The following ADAMTS14 variants were observed in gnomAD, a reference collection of about 807,000 sequenced individuals.
ADAMTS14 encodes ADAM metallopeptidase with thrombospondin type 1 motif 14, also known as A disintegrin and metalloproteinase with thrombospondin motifs 14.
A neutral mutation model predicts 128.6 loss-of-function variants in ADAMTS14; 100 were observed. That is an observed-to-expected ratio of 0.78 (90% CI 0.66 to 0.92). ADAMTS14 has a LOEUF of 0.92. Ranked by LOEUF, ADAMTS14 falls within the 40% of genes least tolerant of loss-of-function variation. The pLI, the probability that ADAMTS14 is intolerant of heterozygous loss-of-function variation, is 0.00. For synonymous variants in ADAMTS14, 665 were observed against 653.8 expected, an observed-to-expected ratio of 1.02 and a Z score of -0.26; for missense variants, 1,562 against 1,658.6, an observed-to-expected ratio of 0.94 and a Z score of 1.01.
intron 2 of ADAMTS14, among the ~76,000 whole-genome samples, chr10:70,695,949 G>A (rs755697917): frequency 2.6e-5 from 4 of 152,252 alleles, no homozygotes; most frequent in Non-Finnish European, 4.4e-5. Context: ...TGTGGTCACA[G>A]GTAAGCAGTT....
At chr10:70,731,551 G>A (rs1022314867) in intron 6 of ADAMTS14, among the ~76,000 whole-genome samples, 2 of 152,108 alleles carry the variant, frequency 1.3e-5, no homozygotes, top group African/African-American at 4.8e-5. Context: ...GCTGGTGCCG[G>A]CCCCCCTGCA....
chr10:70,744,312 A>T, intron 14 of ADAMTS14, 123 bp downstream of exon 14: 1 of 1,302,226 alleles, frequency 7.7e-7, no homozygotes, highest in Non-Finnish European at 9.9e-7. Flanking sequence ...CCTGGGGCCC[A>T]TCTCCAGGCC....
At chr10:70,760,266 GGC>G in intron 21 of ADAMTS14, 92 bp from the exon 22 acceptor site, 1 of 1,470,118 alleles carries the variant, frequency 6.8e-7, no homozygotes, top group Non-Finnish European at 9.0e-7. Flanking sequence ...AGGGGTGGAG[GGC>G]GGGCAGTCAG....
Position 70,743,667 on chromosome 10 carries a change from C to T in ADAMTS14, c.2044C>T (p.Arg682Cys), listed in dbSNP as rs368309869. Residue 682 changes from arginine (R) to cysteine (C), a missense_variant, in exon 13 of 22, where the codon CGT becomes TGT. Coordinates refer to ENST00000373207, the MANE Select transcript of ADAMTS14 (RefSeq NM_080722.4). Reference sequence around the variant, plus strand: ...CCGGGACCCATACAGCGTCTGTGCGCGTGGCGAGTGTGTGGTGGGTGCACC... The same window carrying T: ...CCGGGACCCATACAGCGTCTGTGCGTGTGGCGAGTGTGTGGTGGGTGCACC... ...SYRDPYSVCA[R>C]GECVPVGCDK... 121 of 1,597,958 alleles carry T rather than the reference C, an allele frequency of 7.6e-5. No individual in the cohort carries two copies. Among genetic ancestry groups the T allele is most frequent in the Middle Eastern group, 1.7e-4 (1 of 6,024 alleles).
intron 3 of ADAMTS14, among the ~76,000 whole-genome samples, chr10:70,708,379 T>C (rs1466371316): frequency 1.3e-5 from 2 of 152,182 alleles, no homozygotes; most frequent in East Asian, 3.9e-4. Flanking sequence ...TTGCTACTCA[T>C]TGCTTCAAAG....
At chr10:70,725,716 T>G (rs139027112) in intron 4 of ADAMTS14, among the ~76,000 whole-genome samples, 110 of 152,312 alleles carry the variant, frequency 7.2e-4, no homozygotes, top group African/African-American at 2.5e-3. Context: ...TTTCAACATA[T>G]GAATTTTGGG....
intron 2 of ADAMTS14, among the ~76,000 whole-genome samples, chr10:70,698,637 G>C (rs981021029): frequency 1.3e-5 from 2 of 152,234 alleles, no homozygotes; most frequent in African/African-American, 2.4e-5. Context: ...CACGCAATGG[G>C]ACAAGGACCA....
In ADAMTS14 at chr10:70,674,855, G is replaced by A. The variant is rs775672699; in HGVS notation, c.382G>A (p.Val128Ile). 1.2e-6 allele frequency: 2 copies of A among 1,613,988 alleles called. No homozygotes were observed. Among genetic ancestry groups the A allele is most frequent in the Non-Finnish European group, 1.7e-6 (2 of 1,180,044 alleles). ...GCGCCTGCGGCCCAATCGGAGGTTG[G>A]TAGTGCCAGGATCCTCAGTGGAGTG... is the stretch of plus-strand genomic sequence containing the variant. ...HLRLRPNRRL[V>I]VPGSSVEWQE... The change falls in exon 2 of 22, where the codon GTA (valine) becomes ATA (isoleucine). Residue 128 changes from valine (V) to isoleucine (I), a missense_variant. Physicochemically the swap from Val to Ile is conservative, Grantham distance 29 (BLOSUM62 3). Transcript: ENST00000373207.
intron 2 of ADAMTS14, 36 bp downstream of exon 2, chr10:70,675,031 C>A (rs376781600): frequency 2.5e-5 from 40 of 1,591,932 alleles, no homozygotes; most frequent in Non-Finnish European, 3.0e-5. Context: ...TGCATCCTCC[C>A]CCTCCCATGC....
intron 11 of ADAMTS14, among the ~76,000 whole-genome samples, chr10:70,740,655 C>T (rs548485115): frequency 6.6e-6 from 1 of 152,298 alleles, no homozygotes; most frequent in South Asian, 2.1e-4. Context: ...AAGGCACCCA[C>T]AAAGATGAGT....
chr10:70,754,773 T>A (rs1392864805), intron 19 of ADAMTS14, among the ~76,000 whole-genome samples: 1 of 152,144 alleles, frequency 6.6e-6, no homozygotes, highest in Non-Finnish European at 1.5e-5. Context: ...AGCTCTGATT[T>A]CAGGTTGTAA....
At position 70,753,691 on chromosome 10, in the gene ADAMTS14, C is replaced by T. The variant is rs541479717; in HGVS notation, c.2730-109C>T. The T allele has an allele frequency of 9.6e-6, 12 of 1,248,218 alleles. No homozygotes were observed. The African/African-American group carries it at 1.7e-4, about 17-fold the overall frequency. 77.3% of individuals were successfully genotyped at this position (1,248,218 alleles called of 1,614,324 possible). On this transcript the variant is annotated intron_variant, in intron 18 of 21. Transcript: ENST00000373207. ...GTCCTAGGCCTCAAACATTCTGAAA[C>T]CCAAACCCACTCTCTGGCTCCTGCC...
intron 4 of ADAMTS14, among the ~76,000 whole-genome samples, chr10:70,726,967 G>A (rs1403294524): frequency 6.6e-6 from 1 of 152,224 alleles, no homozygotes; most frequent in Non-Finnish European, 1.5e-5. Flanking sequence ...TTGTGGTGGG[G>A]TGTTGGCAGG....
intron 15 of ADAMTS14, among the ~76,000 whole-genome samples, chr10:70,747,742 C>T (rs956578982): frequency 1.3e-5 from 2 of 152,146 alleles, no homozygotes; most frequent in Admixed American, 6.5e-5. Flanking sequence ...TAGAGTTTTC[C>T]GGGGAGCCTG....
Position 70,754,013 on chromosome 10 carries a change from T to G in ADAMTS14, c.2937+6T>G. On this transcript the variant is annotated splice_donor_region_variant and intron_variant, in intron 19 of 21. Coordinates refer to ENST00000373207, the MANE Select transcript of ADAMTS14 (RefSeq NM_080722.4). Reference sequence around the variant, plus strand: ...GGCTGGGAGCCTGGTCCCAGGTGACTTGTCCTCAGGAGGTGGGAGGGGCTT... The same window carrying G: ...GGCTGGGAGCCTGGTCCCAGGTGACGTGTCCTCAGGAGGTGGGAGGGGCTT... 1 of 1,551,072 alleles carries G rather than the reference T, an allele frequency of 6.4e-7. No homozygotes were observed. Among genetic ancestry groups the G allele is most frequent in the Non-Finnish European group, 8.7e-7 (1 of 1,151,488 alleles).
At chr10:70,718,946 T>G (rs1841158434) in intron 4 of ADAMTS14, among the ~76,000 whole-genome samples, 1 of 152,024 alleles carries the variant, frequency 6.6e-6, no homozygotes, top group Admixed American at 6.6e-5. Context: ...TCCTCCTGCC[T>G]TGGCCCCCCA....
intron 2 of ADAMTS14, among the ~76,000 whole-genome samples, chr10:70,690,668 C>T (rs1411063060): frequency 6.9e-6 from 1 of 145,208 alleles, no homozygotes; most frequent in Non-Finnish European, 1.6e-5. Context: ...GAGGGGAGGC[C>T]TGGCTGGGAC....
At chr10:70,688,352 C>A (rs1366579447) in intron 2 of ADAMTS14, among the ~76,000 whole-genome samples, 2 of 99,420 alleles carry the variant, frequency 2.0e-5, no homozygotes, top group Non-Finnish European at 4.6e-5. Flanking sequence ...GATGGGATGG[C>A]CGCCGGGCAG....
At chr10:70,715,576 T>C (rs896239197) in intron 4 of ADAMTS14, among the ~76,000 whole-genome samples, 4 of 152,068 alleles carry the variant, frequency 2.6e-5, no homozygotes, top group African/African-American at 9.7e-5. Flanking sequence ...TGAAACCCAC[T>C]GCTGAGGTGG....
Sources: gnomAD v4.1 joint callset for allele counts (sites outside exome capture counted in the v4.1 genomes callset) on GRCh38, gnomAD v4.1.1 for gene constraint, MANE v1.5 for transcripts, NCBI Gene and HGNC (gene_info 2026-07-23, HGNC 2026-07-21) for gene names.